Variants in ZNF24 observed in about 807,000 individuals in gnomAD.
The protein encoded by ZNF24 is retinoic acid suppression protein A.
Under a neutral mutation model 40.9 loss-of-function variants are expected in ZNF24, and 11 were observed. The observed-to-expected ratio is 0.27, with a 90% CI of 0.17 to 0.45. The LOEUF is 0.45. ZNF24 is among the 20% of genes least tolerant of loss of function. The pLI is 1.00. For missense variants in ZNF24, 293 were observed against 437.7 expected, an observed-to-expected ratio of 0.67 and a Z score of 2.95; for synonymous variants, 139 against 154.7, an observed-to-expected ratio of 0.90 and a Z score of 0.75.
At chr18:35,337,827 T>C in intron 3 of ZNF24, 57 bp from the exon 4 acceptor site, 1 of 1,460,060 alleles carries the variant, frequency 6.8e-7, no homozygotes, top group Non-Finnish European at 9.1e-7. Flanking sequence ...AAAAGAAACC[T>C]AAAAAAAATT....
Position 35,337,614 on chromosome 18 carries a change from T to C in ZNF24, c.725A>G (p.Lys242Arg). Reference protein sequence around the residue: ...TCFPKGRFERKRNPSRKKQHI... With the variant: ...TCFPKGRFERRRNPSRKKQHI... Reference sequence around the variant, plus strand: ...TTGTTTCTTTCGAGAGGGATTTCTCTTTCTTTCAAACCTGCCCTTGGGGAA... The same window carrying C: ...TTGTTTCTTTCGAGAGGGATTTCTCCTTCTTTCAAACCTGCCCTTGGGGAA... The change falls in exon 4 of 4, where the codon AAG becomes AGG. Residue 242 changes from lysine (K) to arginine (R), a missense_variant. Lys to Arg is a conservative substitution (Grantham distance 26, BLOSUM62 2). Transcript: ENST00000261332. The C allele has an allele frequency of 6.2e-7, 1 of 1,614,142 alleles. No individual in the cohort carries two copies. The highest frequency in any genetic ancestry group is 1.1e-5 in the South Asian group (1 of 91,086).
chr18:35,340,584 T>C lies in ZNF24; in HGVS notation c.67A>G (p.Ile23Val), dbSNP rs777052748. Residue 23 changes from isoleucine (I) to valine (V), a missense_variant, in exon 2 of 4, where the codon ATT becomes GTT. Ile to Val is a conservative substitution (Grantham distance 29, BLOSUM62 3). Transcript: ENST00000261332. This position sits in a 1 kb window ranked among gnomAD's most constrained non-coding sequence, Gnocchi z 4.6. ...IIPTPDEEEK[I>V]LRVKLEEDPD... ...TCCTCCTCCAACTTCACTCTCAGAATTTTTTCCTCTTCATCTGGAGTTGGG... is the reference window on the plus strand; with the variant it reads ...TCCTCCTCCAACTTCACTCTCAGAACTTTTTCCTCTTCATCTGGAGTTGGG... 4.3e-6 allele frequency: 7 copies of C among 1,614,188 alleles called. No individual in the cohort carries two copies. Among genetic ancestry groups the C allele is most frequent in the African/African-American group, 1.3e-5 (1 of 75,052 alleles).
At chr18:35,342,158 T>G (rs2044974906) in intron 1 of ZNF24, among the ~76,000 whole-genome samples, 1 of 151,510 alleles carries the variant, frequency 6.6e-6, no homozygotes, top group South Asian at 2.1e-4. Flanking sequence ...ATCGCGCCAC[T>G]GCACTCTAGC....
rs1271353013 is a variant in ZNF24 at position 35,333,907 on chromosome 18, T to G, written c.*3325A>C. 1.3e-5 allele frequency: 2 copies of G among 152,158 alleles called. No homozygotes were observed. Among genetic ancestry groups the G allele is most frequent in the Admixed American group, 1.3e-4 (2 of 15,278 alleles). 9.4% of individuals were successfully genotyped at this position (152,158 alleles called of 1,614,324 possible). On this transcript the variant is annotated 3_prime_UTR_variant, in exon 4 of 4. Coordinates refer to ENST00000261332, the MANE Select transcript of ZNF24 (RefSeq NM_006965.4). ...CATGCAATGGAATAGTATATAGTTA[T>G]GAAAAAAGAACATCTTCAATGTGGG...
intron 1 of ZNF24, among the ~76,000 whole-genome samples, chr18:35,342,947 T>C (rs2044983179): frequency 6.6e-6 from 1 of 152,234 alleles, no homozygotes; most frequent in South Asian, 2.1e-4. Flanking sequence ...GCTTTCTAAA[T>C]GTGCCTGACC....
rs2044933301 is a variant in ZNF24, at chr18:35,338,494, G to A, written c.569-724C>T. 4.1e-6 allele frequency: 4 copies of A among 985,464 alleles called. No homozygotes were observed. In the African/African-American group the frequency reaches 7.0e-5, roughly 17 times the overall value. 61.0% of individuals were successfully genotyped at this position (985,464 alleles called of 1,614,324 possible). A position where few individuals can be genotyped will look rare whatever the true frequency, so the allele number is the denominator to read the frequency against. On this transcript the variant is annotated intron_variant, in intron 3 of 3. Coordinates refer to ENST00000261332, the MANE Select transcript of ZNF24 (RefSeq NM_006965.4). ...AAAGAAAAGCCTGAATTACCAACATGGGTTAGCATCACTCACACGCAGGCA... is the reference window on the plus strand; with the variant it reads ...AAAGAAAAGCCTGAATTACCAACATAGGTTAGCATCACTCACACGCAGGCA...
Position 35,336,883 on chromosome 18 carries a change from A to G in ZNF24, c.*349T>C, listed in dbSNP as rs1369356744. 1 of 178,656 alleles carries G rather than the reference A, an allele frequency of 5.6e-6. No homozygotes were observed. Among genetic ancestry groups the G allele is most frequent in the African/African-American group, 2.3e-5 (1 of 42,590 alleles). The allele number at this position is 178,656 out of a possible 1,614,324, so 11.1% of individuals were successfully genotyped here. On this transcript the variant is annotated 3_prime_UTR_variant, in exon 4 of 4. Transcript: ENST00000261332. ...ATGTATCCATATAAAGAACATTTCA[A>G]TGATCAATGCAGAAATAATGTATTT...
chr18:35,338,411 T>C, intron 3 of ZNF24: 1 of 985,438 alleles, frequency 1.0e-6, no homozygotes. Context: ...CCATGTGGTA[T>C]TTGTCATGGT....
At position 35,340,037 on chromosome 18, in the gene ZNF24, C is replaced by A. The variant is rs1042945181; in HGVS notation, c.421-61G>T. The A allele has an allele frequency of 1.3e-6, 2 of 1,559,564 alleles. No individual in the cohort carries two copies. The highest frequency in any genetic ancestry group is 2.3e-5 in the East Asian group (1 of 44,056). The stretch of plus-strand genomic sequence containing the variant: ...GTAATGAGAATCAGAACTAAAAACA[C>A]GTAAGAGAAACCCCATGAAACAAAT... On this transcript the variant is annotated intron_variant, in intron 2 of 3. Coordinates refer to ENST00000261332, the MANE Select transcript of ZNF24 (RefSeq NM_006965.4). This position sits in a 1 kb window ranked among gnomAD's most constrained non-coding sequence, Gnocchi z 4.6.
rs2044869951 is a variant in ZNF24, at chr18:35,332,797, TA to T, written c.*4434del. 6.6e-6 allele frequency: 1 copy of T among 152,322 alleles called. No individual in the cohort carries two copies. The highest frequency in any genetic ancestry group is 2.4e-5 in the African/African-American group (1 of 41,336). 9.4% of individuals were successfully genotyped at this position (152,322 alleles called of 1,614,324 possible). A position where few individuals can be genotyped will look rare whatever the true frequency, so the allele number is the denominator to read the frequency against. On this transcript the variant is annotated 3_prime_UTR_variant, in exon 4 of 4. Coordinates refer to ENST00000261332, the MANE Select transcript of ZNF24 (RefSeq NM_006965.4). ...GATGGGGAAGGAGATGCTGAACAAA[TA>T]AAAACAATATATCCACACATAACCC... is the stretch of plus-strand genomic sequence containing the variant.
rs372243052 is a variant in ZNF24, at chr18:35,337,208, G to C, written c.*24C>G. On this transcript the variant is annotated 3_prime_UTR_variant, in exon 4 of 4. Transcript: ENST00000261332. ...TTCTGAAGAAAAAGACCTGAGTGCT[G>C]ATTCTTTTTTTTTTTTCAATTTCTT... The C allele has an allele frequency of 4.6e-5, 65 of 1,417,622 alleles. No individual in the cohort carries two copies. The highest frequency in any genetic ancestry group is 5.9e-5 in the Non-Finnish European group (63 of 1,074,522). The allele number at this position is 1,417,622 out of a possible 1,614,324, so 87.8% of individuals were successfully genotyped here. A position where few individuals can be genotyped will look rare whatever the true frequency, so the allele number is the denominator to read the frequency against.
rs908126091 is a variant in ZNF24 at position 35,340,042 on chromosome 18, G to A, written c.421-66C>T. The A allele has an allele frequency of 4.5e-6, 7 of 1,555,380 alleles. No homozygotes were observed. The highest frequency in any genetic ancestry group is 3.6e-5 in the South Asian group (3 of 84,296). On this transcript the variant is annotated intron_variant, in intron 2 of 3. Transcript: ENST00000261332. The surrounding 1 kb of genome is among the most constrained non-coding windows in gnomAD (Gnocchi z 4.6). ...GAGAATCAGAACTAAAAACACGTAA[G>A]AGAAACCCCATGAAACAAATACTGC...
chr18:35,342,833 T>C (rs575855496), intron 1 of ZNF24, among the ~76,000 whole-genome samples: 2 of 152,352 alleles, frequency 1.3e-5, no homozygotes, highest in East Asian at 1.9e-4. Context: ...CCTTATTTAC[T>C]ATATGGCCGC....
At position 35,340,528 on chromosome 18, in the gene ZNF24, G is replaced by C; in HGVS notation, c.123C>G (p.Pro41=). Residue 41 remains proline (P), a synonymous_variant, in exon 2 of 4, where the codon CCC becomes CCG. Coordinates refer to ENST00000261332, the MANE Select transcript of ZNF24 (RefSeq NM_006965.4). This position sits in a 1 kb window ranked among gnomAD's most constrained non-coding sequence, Gnocchi z 4.6. ...DPDGEEGSSI[P]WNHLPDPEIF... ...TCTCTGGGTCTGGGAGATGGTTCCA[G>C]GGGATACTTGATCCCTCTTCGCCAT... 6.2e-7 allele frequency: 1 copy of C among 1,614,202 alleles called. No homozygotes were observed. The highest frequency in any genetic ancestry group is 8.5e-7 in the Non-Finnish European group (1 of 1,180,038).
At chr18:35,339,039 C>T (rs2044940098) in intron 3 of ZNF24, 1 of 1,535,998 alleles carries the variant, frequency 6.5e-7, no homozygotes, top group African/African-American at 1.4e-5. Flanking sequence ...CAGTGGCATA[C>T]CAGCACCATC....
At chr18:35,339,495 G>C (rs1355121618) in intron 3 of ZNF24, among the ~76,000 whole-genome samples, 3 of 152,184 alleles carry the variant, frequency 2.0e-5, no homozygotes, top group Admixed American at 6.5e-5. Flanking sequence ...GCAGGAGATT[G>C]AAAGTAAAAG....
chr18:35,343,248 CATTTAT>C (rs770578509), intron 1 of ZNF24, among the ~76,000 whole-genome samples: 2 of 152,086 alleles, frequency 1.3e-5, no homozygotes, highest in African/African-American at 4.8e-5. Context: ...ACCATACGTA[CATTTAT>C]ATTTATAATG....
Position 35,340,327 on chromosome 18 carries a change from T to C in ZNF24, c.324A>G (p.Leu108=), listed in dbSNP as rs910595851. 7 of 1,614,214 alleles carry C rather than the reference T, an allele frequency of 4.3e-6. No homozygotes were observed. The Admixed American group carries it at 1.2e-4, about 27-fold the overall frequency. Residue 108 remains leucine (L), a synonymous_variant, in exon 2 of 4, where the codon CTA becomes CTG. Transcript: ENST00000261332. The surrounding 1 kb of genome is among the most constrained non-coding windows in gnomAD (Gnocchi z 4.6). ...EQFVAILPKE[L]QTWVRDHHPE... ...GATGATGATCTCGAACCCAAGTCTGTAGCTCTTTGGGTAGGATGGCAACAA... is the reference window on the plus strand; with the variant it reads ...GATGATGATCTCGAACCCAAGTCTGCAGCTCTTTGGGTAGGATGGCAACAA...
At chr18:35,338,373 G>T (rs2044932043) in intron 3 of ZNF24, 2 of 985,228 alleles carry the variant, frequency 2.0e-6, no homozygotes, top group African/African-American at 1.7e-5. Flanking sequence ...CCTAATAAAT[G>T]AAAGTTTTCC....
Sources: gnomAD v4.1 joint callset for allele counts (sites outside exome capture counted in the v4.1 genomes callset) on GRCh38, gnomAD v4.1.1 for gene constraint, Gnocchi (gnomAD v3.1) non-coding constraint, MANE v1.5 for transcripts, NCBI Gene and HGNC (gene_info 2026-07-23, HGNC 2026-07-21) for gene names.